Variants in CCDC125 observed in about 807,000 individuals in gnomAD.
CCDC125 encodes coiled-coil domain-containing protein 125.
A neutral mutation model predicts 57.4 loss-of-function variants in CCDC125; 43 were observed. The ratio of observed to expected loss-of-function variants is 0.75; its 90% confidence interval spans 0.59 to 0.97. CCDC125 has a LOEUF of 0.97. Among genes scored for constraint, CCDC125 ranks in the 50% least tolerant of loss-of-function variants. The pLI is 0.00. For synonymous variants in CCDC125, 187 were observed against 195.2 expected, an observed-to-expected ratio of 0.96 and a Z score of 0.35; for missense variants, 563 against 595.7, an observed-to-expected ratio of 0.95 and a Z score of 0.57.
chr5:69,277,137 G>C (rs750011856), downstream of CCDC125: 20 of 1,596,942 alleles, frequency 1.3e-5, no homozygotes, highest in Non-Finnish European at 1.6e-5. Context: ...ATTTTTTAAA[G>C]AGAACACTGG....
At chr5:69,326,426 A>ATAT (rs1760742322) in intron 1 of CCDC125, among the ~76,000 whole-genome samples, 3 of 152,180 alleles carry the variant, frequency 2.0e-5, no homozygotes, top group Admixed American at 1.3e-4. Context: ...AGATAAGAAG[A>ATAT]TATTTATTGA....
At chr5:69,288,397 T>C (rs1037068254) in intron 10 of CCDC125, among the ~76,000 whole-genome samples, 2 of 152,104 alleles carry the variant, frequency 1.3e-5, no homozygotes, top group Admixed American at 6.6e-5. Context: ...AATGATGTAA[T>C]CACCAATGGC....
At chr5:69,297,947 T>C (rs1361247400) in intron 8 of CCDC125, among the ~76,000 whole-genome samples, 1 of 151,278 alleles carries the variant, frequency 6.6e-6, no homozygotes, top group Non-Finnish European at 1.5e-5. Flanking sequence ...TACTCCAGCC[T>C]GAGCTACAGA....
chr5:69,287,185 TAA>T (rs1190094805), intron 10 of CCDC125, among the ~76,000 whole-genome samples: 2 of 151,320 alleles, frequency 1.3e-5, no homozygotes, highest in Non-Finnish European at 3.0e-5. Flanking sequence ...TAAAATGAAT[TAA>T]AGTCTTGTCA....
downstream of CCDC125, chr5:69,280,160 G>A (rs1041824517): frequency 6.6e-6 from 1 of 152,120 alleles, no homozygotes; most frequent in Non-Finnish European, 1.5e-5. Context: ...AGGTAGTCAA[G>A]GAAATGACCA....
At chr5:69,312,423 C>T (rs543297763) in intron 3 of CCDC125, among the ~76,000 whole-genome samples, 1 of 152,170 alleles carries the variant, frequency 6.6e-6, no homozygotes, top group Admixed American at 6.6e-5. Flanking sequence ...GTAGCTTTCA[C>T]GGGAAGAGTC....
chr5:69,312,475 AGACACCCC>A (rs1441010097), intron 3 of CCDC125, among the ~76,000 whole-genome samples: 2 of 152,220 alleles, frequency 1.3e-5, no homozygotes, highest in African/African-American at 4.8e-5. Flanking sequence ...CCCAAAGGAC[AGACACCCC>A]TCGCAGAAAC....
downstream of CCDC125, among the ~76,000 whole-genome samples, chr5:69,277,656 G>T (rs1752270963): frequency 6.6e-6 from 1 of 151,864 alleles, no homozygotes; most frequent in South Asian, 2.1e-4. Context: ...TGTAGTCCCA[G>T]CTACTCAGGA....
chr5:69,286,854 G>A (rs1753567169), intron 10 of CCDC125, among the ~76,000 whole-genome samples: 3 of 152,062 alleles, frequency 2.0e-5, no homozygotes, highest in Non-Finnish European at 4.4e-5. Flanking sequence ...GAGGAGCTGT[G>A]GCAAACAGAA....
rs546536195 is a variant in CCDC125, at chr5:69,323,939, T to A, written c.-40-3359A>T. On this transcript the variant is annotated intron_variant, in intron 1 of 11. Transcript: ENST00000396496. ...GCTATAGCTATTTAGAAATATTTCA[T>A]CCTTCTCTCAAGGCTCATTAAAAAA... 3 of 152,172 alleles carry A rather than the reference T, an allele frequency of 2.0e-5. 1 individual carries two copies. The South Asian group carries it at 6.2e-4, about 32-fold the overall frequency. 9.4% of individuals were successfully genotyped at this position (152,172 alleles called of 1,614,324 possible).
At chr5:69,304,422 CT>C (rs35397437) in intron 6 of CCDC125, among the ~76,000 whole-genome samples, 15,649 of 133,860 alleles carry the variant, frequency 0.12, 997 homozygotes, top group African/African-American at 0.2. Context: ...TAAACATACC[CT>C]TTTTTTTTTT....
chr5:69,319,575 G>A (rs553939323), intron 2 of CCDC125, among the ~76,000 whole-genome samples: 6 of 149,944 alleles, frequency 4.0e-5, no homozygotes, highest in South Asian at 4.2e-4. Flanking sequence ...TCCGCCTCCC[G>A]GGTTCATGCC....
chr5:69,315,784 C>T lies in CCDC125; in HGVS notation c.305-1738G>A, dbSNP rs1477592869. Among the ~76,000 whole-genome samples, 3 of 138,534 alleles carry T rather than the reference C, an allele frequency of 2.2e-5. No individual in the cohort carries two copies. The South Asian group carries it at 6.8e-4, about 31-fold the overall frequency. 90.9% of individuals were successfully genotyped at this position (138,534 alleles called of 152,430 possible). ...TCAAAAAAAAAAAAAAAAAAGAAAC[C>T]AAAAAAAAACCTAAATTTAATTTCT... is the stretch of plus-strand genomic sequence containing the variant. On this transcript the variant is annotated intron_variant, in intron 2 of 11. Coordinates refer to ENST00000396496, the MANE Select transcript of CCDC125 (RefSeq NM_176816.5).
chr5:69,313,667 A>G (rs1758524709), intron 3 of CCDC125: 1 of 752,850 alleles, frequency 1.3e-6, no homozygotes. Flanking sequence ...CAAAGGTGGC[A>G]TAGGGGTTGT....
chr5:69,329,284 C>T (rs756251218), intron 1 of CCDC125, among the ~76,000 whole-genome samples: 4 of 152,046 alleles, frequency 2.6e-5, no homozygotes, highest in Non-Finnish European at 5.9e-5. Flanking sequence ...CCATCTCAGC[C>T]TCCCGAGTAG....
intron 1 of CCDC125, among the ~76,000 whole-genome samples, chr5:69,321,764 C>T (rs1760055580): frequency 6.6e-6 from 1 of 152,168 alleles, no homozygotes; most frequent in African/African-American, 2.4e-5. Context: ...ATTATACAGG[C>T]ATGAATATCC....
downstream of CCDC125, chr5:69,276,676 AG>A: frequency 6.2e-7 from 1 of 1,614,132 alleles, no homozygotes; most frequent in Non-Finnish European, 8.5e-7. Context: ...AAAAGAACAG[AG>A]GCCTTAGAAC....
At chr5:69,320,123 G>GA (rs1330062380) in intron 2 of CCDC125, 114 bp downstream of exon 2, 143 of 1,089,322 alleles carry the variant, frequency 1.3e-4, no homozygotes, top group Non-Finnish European at 1.6e-4. Context: ...ACTCCGTCCA[G>GA]AAAAAAAAGA....
At chr5:69,313,048 G>A (rs1758413062) in intron 3 of CCDC125, among the ~76,000 whole-genome samples, 1 of 152,066 alleles carries the variant, frequency 6.6e-6, no homozygotes, top group African/African-American at 2.4e-5. Flanking sequence ...GGAAGAGGGG[G>A]AGGAACAGGT....
Sources: gnomAD v4.1 joint callset for allele counts (sites outside exome capture counted in the v4.1 genomes callset) on GRCh38, gnomAD v4.1.1 for gene constraint, MANE v1.5 for transcripts, NCBI Gene and HGNC (gene_info 2026-07-23, HGNC 2026-07-21) for gene names.